GRID2: variants seen among roughly 807,000 people sequenced by gnomAD.
GRID2 encodes the protein glutamate receptor ionotropic, delta-2.
A neutral mutation model predicts 114.8 loss-of-function variants in GRID2; 33 were observed. The ratio of observed to expected loss-of-function variants is 0.29; its 90% CI spans 0.22 to 0.38. The LOEUF (loss-of-function observed/expected upper bound fraction) is 0.38. GRID2 is among the 10% of genes least tolerant of loss of function. The pLI, the probability that GRID2 is intolerant of heterozygous loss-of-function variation, is 1.00. For synonymous variants in GRID2, 505 were observed against 449.9 expected (o/e 1.12, Z -1.55); for missense variants, 1,184 against 1,257.7 (o/e 0.94, Z 0.89).
chr4:92,540,424 T>C (rs1404563647), intron 1 of GRID2, among the ~76,000 whole-genome samples: 1 of 152,126 alleles, frequency 6.6e-6, no homozygotes, highest in Non-Finnish European at 1.5e-5. Context: ...ATCCAGAATC[T>C]ACATAGAACT....
chr4:92,642,052 T>C (rs962550504), intron 2 of GRID2, among the ~76,000 whole-genome samples: 3 of 151,546 alleles, frequency 2.0e-5, no homozygotes, highest in African/African-American at 7.3e-5. Context: ...CCTAGGTTGA[T>C]TTCATTATCT....
In GRID2 at chr4:92,814,251, A is replaced by G. The variant is rs1472749135; in HGVS notation, c.244+223965A>G. Among the ~76,000 whole-genome samples, 4 of 152,278 alleles carry G rather than the reference A, an allele frequency of 2.6e-5. No individual in the cohort carries two copies. The East Asian group carries it at 7.7e-4, about 29-fold the overall frequency. ...AGAGGCCTACCAACAGATAGAACCC[A>G]CACAGTAATTTGGAGAAAGTTTTAC... is the stretch of plus-strand genomic sequence containing the variant. On this transcript the variant is annotated intron_variant, in intron 2 of 15. Transcript: ENST00000282020.
intron 1 of GRID2, among the ~76,000 whole-genome samples, chr4:92,362,594 A>T (rs1215899196): frequency 6.6e-6 from 1 of 152,026 alleles, no homozygotes; most frequent in Non-Finnish European, 1.5e-5. Context: ...GTTGTTGAAC[A>T]GCATTACAAA....
At chr4:92,995,692 G>T (rs1375061131) in intron 2 of GRID2, among the ~76,000 whole-genome samples, 1 of 151,998 alleles carries the variant, frequency 6.6e-6, no homozygotes, top group Non-Finnish European at 1.5e-5. Context: ...GCATTACTTT[G>T]ATATCATTTC....
chr4:92,638,605 G>A (rs1731188968), intron 2 of GRID2, among the ~76,000 whole-genome samples: 1 of 149,660 alleles, frequency 6.7e-6, no homozygotes, highest in Non-Finnish European at 1.5e-5. Flanking sequence ...AGTACTAAGT[G>A]AAATAATTGC....
intron 11 of GRID2, among the ~76,000 whole-genome samples, chr4:93,458,022 G>A (rs887298256): frequency 6.6e-6 from 1 of 152,112 alleles, no homozygotes; most frequent in African/African-American, 2.4e-5. Context: ...GGGAGTTAAT[G>A]AGATCACACA....
At chr4:92,461,045 T>C (rs1027637324) in intron 1 of GRID2, among the ~76,000 whole-genome samples, 15 of 151,534 alleles carry the variant, frequency 9.9e-5, no homozygotes, top group Non-Finnish European at 2.2e-4. Context: ...CTGTCTATTG[T>C]TTTAATTTTT....
intron 4 of GRID2, among the ~76,000 whole-genome samples, chr4:93,197,700 A>G (rs1416793610): frequency 1.3e-5 from 2 of 152,154 alleles, no homozygotes; most frequent in Non-Finnish European, 2.9e-5. Context: ...CTATGCCTCC[A>G]TGAAGAAAAT....
intron 8 of GRID2, among the ~76,000 whole-genome samples, chr4:93,271,653 C>T (rs1280585834): frequency 6.6e-6 from 1 of 152,026 alleles, no homozygotes; most frequent in Admixed American, 6.5e-5. Context: ...ATAAGTCACT[C>T]TATTGCTTAA....
chr4:93,232,995 T>C (rs1398922865), intron 7 of GRID2, among the ~76,000 whole-genome samples: 4 of 152,112 alleles, frequency 2.6e-5, no homozygotes, highest in Non-Finnish European at 5.9e-5. Context: ...GTTCTAGAAA[T>C]ATGTCATTGG....
chr4:92,853,671 A>T (rs978628488), intron 2 of GRID2, among the ~76,000 whole-genome samples: 3 of 152,004 alleles, frequency 2.0e-5, no homozygotes, highest in South Asian at 2.1e-4. Context: ...TTTTGAGTGA[A>T]TTTAACTCTT....
intron 9 of GRID2, among the ~76,000 whole-genome samples, chr4:93,403,022 G>C (rs1766051519): frequency 6.6e-6 from 1 of 152,054 alleles, no homozygotes; most frequent in African/African-American, 2.4e-5. Flanking sequence ...TTAGGGGTTG[G>C]GAAAGTAAAC....
chr4:92,606,301 A>C (rs1729446977), intron 2 of GRID2, among the ~76,000 whole-genome samples: 1 of 151,980 alleles, frequency 6.6e-6, no homozygotes, highest in African/African-American at 2.4e-5. Context: ...CTGACTTATG[A>C]GGTATAAGGT....
At chr4:93,398,133 G>GTGTGTGTGTGTATA in intron 9 of GRID2, among the ~76,000 whole-genome samples, 2 of 122,348 alleles carry the variant, frequency 1.6e-5, no homozygotes, top group African/African-American at 7.7e-5. Flanking sequence ...ATGTGTGTGT[G>GTGTGTGTGTGTATA]TATATATATA....
chr4:93,154,114 G>T (rs1056001391), intron 4 of GRID2, among the ~76,000 whole-genome samples: 1 of 151,892 alleles, frequency 6.6e-6, no homozygotes, highest in Non-Finnish European at 1.5e-5. Flanking sequence ...ACTGATTAGG[G>T]TACAAGTTTT....
rs145509678 is a variant in GRID2 at position 92,957,821 on chromosome 4, T to A, written c.245-127174T>A. Among the ~76,000 whole-genome samples the A allele has an allele frequency of 8.1e-3, 1,227 of 152,216 alleles. 9 individuals are homozygous for A. The highest frequency in any genetic ancestry group is 0.012 in the Non-Finnish European group (823 of 67,954). ...TTATCCATTTATTCAGTCCTTTTTA[T>A]ATCTTTCATTAGAGATTTGTAGTTT... On this transcript the variant is annotated intron_variant, in intron 2 of 15. Transcript: ENST00000282020.
chr4:93,355,953 C>CATTAATT (rs1436697253), intron 8 of GRID2, among the ~76,000 whole-genome samples: 2 of 152,032 alleles, frequency 1.3e-5, no homozygotes, highest in Non-Finnish European at 2.9e-5. Context: ...CTGGTGCCCT[C>CATTAATT]ATTAATTATT....
intron 2 of GRID2, among the ~76,000 whole-genome samples, chr4:92,671,888 C>G (rs1177725078): frequency 1.3e-5 from 2 of 152,020 alleles, no homozygotes; most frequent in African/African-American, 2.4e-5. Flanking sequence ...TTTCCAGAAC[C>G]TTTCCTTGAA....
At chr4:92,803,641 G>T (rs148843783) in intron 2 of GRID2, among the ~76,000 whole-genome samples, 25 of 151,930 alleles carry the variant, frequency 1.6e-4, no homozygotes, top group African/African-American at 6.0e-4. Flanking sequence ...GATTTTCAGA[G>T]CATTTTATTT....
Sources: allele counts gnomAD v4.1 joint callset (sites outside exome capture counted in the v4.1 genomes callset), GRCh38; gene constraint gnomAD v4.1.1; transcripts MANE v1.5; gene names NCBI Gene and HGNC (gene_info 2026-07-23, HGNC 2026-07-21).